JPH3: variants seen among roughly 807,000 people sequenced by gnomAD.
JPH3 encodes the protein junctophilin-3.
Under a neutral mutation model 59.6 loss-of-function variants are expected in JPH3, and 11 were observed. The observed-to-expected ratio is 0.18, with a 90% CI of 0.12 to 0.31. The LOEUF is 0.31. Among genes scored for constraint, JPH3 ranks in the 10% least tolerant of loss-of-function variants. The pLI is 1.00. For synonymous variants in JPH3, 673 were observed against 483.6 expected (o/e 1.39, Z -5.14); for missense variants, 1,202 against 1,105.7 (o/e 1.09, Z -1.24).
At chr16:87,641,220 A>G (rs948510286) in intron 1 of JPH3, among the ~76,000 whole-genome samples, 4 of 152,046 alleles carry the variant, frequency 2.6e-5, no homozygotes, top group Admixed American at 2.6e-4. Flanking sequence ...GTCCACATAC[A>G]TCCCTGCTTG....
intron 4 of JPH3, chr16:87,695,889 G>A (rs1399809747): frequency 1.3e-5 from 6 of 456,008 alleles, no homozygotes; most frequent in African/African-American, 8.0e-5. Flanking sequence ...CTGTGCGGCT[G>A]AAGGGGGAGT....
At chr16:87,676,914 G>A (rs2033154613) in intron 2 of JPH3, among the ~76,000 whole-genome samples, 1 of 151,830 alleles carries the variant, frequency 6.6e-6, no homozygotes, top group Non-Finnish European at 1.5e-5. Flanking sequence ...GCGCACGCCT[G>A]TAATCCCAGC....
At chr16:87,614,726 C>G (rs28452763) in intron 1 of JPH3, among the ~76,000 whole-genome samples, 10 of 114,978 alleles carry the variant, frequency 8.7e-5, no homozygotes, top group African/African-American at 2.5e-4. Context: ...CCTGCACACA[C>G]GAGGAGCCGC....
At chr16:87,661,734 G>A (rs57057148) in intron 2 of JPH3, among the ~76,000 whole-genome samples, 6,962 of 152,314 alleles carry the variant, frequency 0.046, 528 homozygotes, top group African/African-American at 0.16. Context: ...AGAGTTCCCC[G>A]CAGGCCGCCA....
At chr16:87,677,009 A>T (rs1597283810) in intron 2 of JPH3, among the ~76,000 whole-genome samples, 1 of 151,574 alleles carries the variant, frequency 6.6e-6, no homozygotes, top group South Asian at 2.1e-4. Context: ...AATACAAAAA[A>T]TTAGCCGGGC....
rs2031720176 is a variant in JPH3, at chr16:87,635,753, G to C, written c.383-8505G>C. 2.0e-5 allele frequency among the ~76,000 whole-genome samples: 3 copies of C among 152,184 alleles called. No individual in the cohort carries two copies. The East Asian group carries it at 5.8e-4, about 29-fold the overall frequency. ...GCGTTTCACGGGCAAGGTTTAGGGG[G>C]TTTGTTCCTCAGCTGGGGTCCACCC... On this transcript the variant is annotated intron_variant, in intron 1 of 4. Transcript: ENST00000284262.
chr16:87,614,204 T>A (rs1399366382), intron 1 of JPH3, among the ~76,000 whole-genome samples: 5 of 151,714 alleles, frequency 3.3e-5, no homozygotes, highest in African/African-American at 1.2e-4. Flanking sequence ...GAGCCGCGTG[T>A]CCCCTCCCAG....
At chr16:87,687,133 T>C (rs2033438235) in intron 3 of JPH3, among the ~76,000 whole-genome samples, 1 of 152,216 alleles carries the variant, frequency 6.6e-6, no homozygotes, top group South Asian at 2.1e-4. Flanking sequence ...GGATCAGTGT[T>C]CCCAGACCAG....
chr16:87,629,712 C>G (rs2031501246), intron 1 of JPH3, among the ~76,000 whole-genome samples: 1 of 151,836 alleles, frequency 6.6e-6, no homozygotes, highest in Non-Finnish European at 1.5e-5. Flanking sequence ...CAGGCGGAGC[C>G]CGGGGGATTT....
chr16:87,693,093 C>T (rs1387406784), intron 4 of JPH3, among the ~76,000 whole-genome samples: 1 of 152,262 alleles, frequency 6.6e-6, no homozygotes, highest in Non-Finnish European at 1.5e-5. Context: ...ATACACCTGC[C>T]TGAGGCCACG....
chr16:87,642,807 GC>G (rs1278737194), intron 1 of JPH3, among the ~76,000 whole-genome samples: 1 of 152,248 alleles, frequency 6.6e-6, no homozygotes, highest in Non-Finnish European at 1.5e-5. Flanking sequence ...GGCCAGCGGG[GC>G]CCAGAAACTT....
chr16:87,665,319 T>A (rs1163200026), intron 2 of JPH3, among the ~76,000 whole-genome samples: 1 of 152,192 alleles, frequency 6.6e-6, no homozygotes, highest in Non-Finnish European at 1.5e-5. Flanking sequence ...GGGTTTGGTT[T>A]CTCCCCATTG....
Position 87,673,022 on chromosome 16 carries a change from C to G in JPH3, c.1161-11120C>G, listed in dbSNP as rs4843256. ...TTACCTTTGCGTGGTAGCACGTGCA[C>G]GTAATCCCGGCTACTTGGGAGGTTG... On this transcript the variant is annotated intron_variant, in intron 2 of 4. Coordinates refer to ENST00000284262, the MANE Select transcript of JPH3 (RefSeq NM_020655.4). Among the ~76,000 whole-genome samples, 10 of 151,972 alleles carry G rather than the reference C, an allele frequency of 6.6e-5. No homozygotes were observed. The East Asian group carries it at 1.9e-3, about 29-fold the overall frequency.
At chr16:87,626,709 G>A (rs781260623) in intron 1 of JPH3, among the ~76,000 whole-genome samples, 1 of 152,280 alleles carries the variant, frequency 6.6e-6, no homozygotes, top group Non-Finnish European at 1.5e-5. Context: ...TGGGAAGGTT[G>A]GGATGGTTGG....
rs902177601 is a variant in JPH3 at position 87,605,563 on chromosome 16, G to C, written c.382+2035G>C. Among the ~76,000 whole-genome samples, 2 of 152,340 alleles carry C rather than the reference G, an allele frequency of 1.3e-5. 1 individual carries two copies. The stretch of plus-strand genomic sequence containing the variant: ...ATCTGATTCTGTGGCTGGCCGTGTA[G>C]TTTAGGATCTGACGGGTTAAGGGGA... On this transcript the variant is annotated intron_variant, in intron 1 of 4. Coordinates refer to ENST00000284262, the MANE Select transcript of JPH3 (RefSeq NM_020655.4).
chr16:87,641,318 T>TTGATGTTGATGGCAGTGAGGTTGCTTC, intron 1 of JPH3, among the ~76,000 whole-genome samples: 1 of 152,182 alleles, frequency 6.6e-6, no homozygotes, highest in East Asian at 1.9e-4. Flanking sequence ...GAGGTTGCTT[T>TTGATGTTGATGGCAGTGAGGTTGCTTC]TGATGTTGAT....
intron 1 of JPH3, among the ~76,000 whole-genome samples, chr16:87,625,614 C>T (rs1192801073): frequency 6.6e-6 from 1 of 152,168 alleles, no homozygotes; most frequent in Non-Finnish European, 1.5e-5. Context: ...CTATGTCTCA[C>T]AGCGCAGACT....
At chr16:87,684,352 G>A in intron 3 of JPH3, 86 bp downstream of exon 3, 7 of 1,542,618 alleles carry the variant, frequency 4.5e-6, no homozygotes, top group Non-Finnish European at 5.3e-6. Flanking sequence ...GTGTCCTCCA[G>A]AGCGGGTAGG....
chr16:87,603,655 C>T, intron 1 of JPH3, 127 bp downstream of exon 1: 1 of 1,230,770 alleles, frequency 8.1e-7, no homozygotes, highest in East Asian at 2.5e-5. Context: ...GGGCCTTTCC[C>T]GGGCTTCCCT....
Sources: allele counts gnomAD v4.1 joint callset (sites outside exome capture counted in the v4.1 genomes callset), GRCh38; gene constraint gnomAD v4.1.1; transcripts MANE v1.5; gene names NCBI Gene and HGNC (gene_info 2026-07-23, HGNC 2026-07-21).